USH2A: variants seen among roughly 807,000 people sequenced by gnomAD.
USH2A encodes the protein Usher syndrome 2A (autosomal recessive, mild).
In USH2A, 443 loss-of-function variants were observed where a neutral mutation model predicts 538.9. That is an observed-to-expected ratio of 0.82 (90% CI 0.76 to 0.89). The LOEUF (loss-of-function observed/expected upper bound fraction) is 0.89, where lower values mean the gene tolerates loss of function less well. Among genes scored for constraint, USH2A ranks in the 40% least tolerant of loss-of-function variants. USH2A has a pLI of 0.00. For missense variants in USH2A, 6,633 were observed against 6,324.8 expected, an observed-to-expected ratio of 1.05 and a Z score of -1.65; for synonymous variants, 2,413 against 2,273.5, an observed-to-expected ratio of 1.06 and a Z score of -1.75.
chr1:215,840,617 T>C (rs1037668466), intron 46 of USH2A, among the ~76,000 whole-genome samples: 1 of 152,188 alleles, frequency 6.6e-6, no homozygotes, highest in Admixed American at 6.5e-5. Flanking sequence ...AAATAAAGCC[T>C]TTTCCATAGA....
intron 12 of USH2A, among the ~76,000 whole-genome samples, 198 bp from the exon 13 acceptor site, chr1:216,247,424 C>T (rs934227983): frequency 3.3e-5 from 5 of 152,080 alleles, no homozygotes; most frequent in African/African-American, 9.7e-5. Flanking sequence ...CAACTGTTTG[C>T]GATGAACTTC....
chr1:215,715,988 T>G (rs1020906874), intron 61 of USH2A, among the ~76,000 whole-genome samples: 1 of 152,228 alleles, frequency 6.6e-6, no homozygotes, highest in Non-Finnish European at 1.5e-5. Context: ...TAAAATGCGG[T>G]TTAGCAGAAA....
intron 60 of USH2A, among the ~76,000 whole-genome samples, chr1:215,732,225 T>A (rs1660014896): frequency 6.6e-6 from 1 of 152,150 alleles, no homozygotes. Flanking sequence ...GGTTGAATCG[T>A]CAAGTTTTTG....
At chr1:216,339,098 A>G (rs2038027503) in intron 4 of USH2A, among the ~76,000 whole-genome samples, 1 of 151,676 alleles carries the variant, frequency 6.6e-6, no homozygotes, top group Non-Finnish European at 1.5e-5. Flanking sequence ...AATTATATAA[A>G]GAGAAAAGCT....
At chr1:215,740,036 C>A (rs565789324) in intron 60 of USH2A, among the ~76,000 whole-genome samples, 9 of 152,284 alleles carry the variant, frequency 5.9e-5, no homozygotes, top group Non-Finnish European at 1.3e-4. Context: ...TTTCAATCTG[C>A]AAGTCCTGTA....
At position 215,755,988 on chromosome 1, in the gene USH2A, T is replaced by G. The variant is rs188168106; in HGVS notation, c.11389+2607A>C. On this transcript the variant is annotated intron_variant, in intron 58 of 71. Coordinates refer to ENST00000307340, the MANE Select transcript of USH2A (RefSeq NM_206933.4). ...GTAGGTGGTTTTATTATTTTGAAAA[T>G]TGGGGCTTTGAGACCCAGCAAATGT... is the stretch of plus-strand genomic sequence containing the variant. Among the ~76,000 whole-genome samples the G allele has an allele frequency of 1.0e-3, 159 of 152,296 alleles. 1 individual carries two copies. The highest frequency in any genetic ancestry group is 0.01 in the Middle Eastern group (3 of 294).
In USH2A at chr1:215,934,906, A is replaced by C. The variant is rs1243004556; in HGVS notation, c.7121-111T>G. On this transcript the variant is annotated intron_variant, in intron 37 of 71. Transcript: ENST00000307340. ...ATATACTGTACCAAATAGGTCTGTA[A>C]CTTTACCACTCTAAGAGGCATTACA... 5 of 997,546 alleles carry C rather than the reference A, an allele frequency of 5.0e-6. No homozygotes were observed. In the African/African-American group the frequency reaches 8.2e-5, roughly 16 times the overall value. 61.8% of individuals were successfully genotyped at this position (997,546 alleles called of 1,614,324 possible).
intron 21 of USH2A, among the ~76,000 whole-genome samples, chr1:216,158,609 T>G (rs1002750254): frequency 6.6e-6 from 1 of 152,220 alleles, no homozygotes; most frequent in Non-Finnish European, 1.5e-5. Flanking sequence ...GCCTATACTA[T>G]ACATGCTTAC....
intron 36 of USH2A, among the ~76,000 whole-genome samples, chr1:215,966,311 T>C (rs1405248351): frequency 6.6e-6 from 1 of 152,208 alleles, no homozygotes; most frequent in Non-Finnish European, 1.5e-5. Flanking sequence ...TTTTAATATC[T>C]TTTAATCATT....
At chr1:215,635,439 A>G (rs1054252199) in intron 69 of USH2A, among the ~76,000 whole-genome samples, 3 of 152,160 alleles carry the variant, frequency 2.0e-5, no homozygotes, top group African/African-American at 7.2e-5. Flanking sequence ...TGAAGTTAGT[A>G]TTAATAAAAG....
At chr1:216,096,459 G>A (rs1280410276) in intron 22 of USH2A, among the ~76,000 whole-genome samples, 1 of 152,096 alleles carries the variant, frequency 6.6e-6, no homozygotes, top group Non-Finnish European at 1.5e-5. Context: ...TTTCTTCATT[G>A]ATTTGTATCT....
chr1:216,237,813 T>C (rs932302556), intron 13 of USH2A, among the ~76,000 whole-genome samples: 5 of 152,182 alleles, frequency 3.3e-5, no homozygotes, highest in Non-Finnish European at 5.9e-5. Context: ...ATCAGTGTCT[T>C]TTACTTTTTT....
intron 61 of USH2A, among the ~76,000 whole-genome samples, chr1:215,699,258 C>T (rs1034176059): frequency 1.3e-5 from 2 of 152,128 alleles, no homozygotes; most frequent in African/African-American, 2.4e-5. Context: ...AGCATGATGC[C>T]TCCAGCTTTG....
chr1:215,941,897 A>G (rs1228083850), intron 37 of USH2A, among the ~76,000 whole-genome samples: 1 of 152,276 alleles, frequency 6.6e-6, no homozygotes, highest in Non-Finnish European at 1.5e-5. Flanking sequence ...CTACAGTCAC[A>G]CAGTAAGGTG....
chr1:215,764,336 C>G (rs1661067123), intron 56 of USH2A, among the ~76,000 whole-genome samples: 1 of 152,030 alleles, frequency 6.6e-6, no homozygotes. Context: ...TTTCTGTTTC[C>G]ACATTATCAA....
chr1:215,843,412 A>G (rs1663745722), intron 46 of USH2A, among the ~76,000 whole-genome samples: 1 of 152,176 alleles, frequency 6.6e-6, no homozygotes, highest in Admixed American at 6.5e-5. Flanking sequence ...TACTCCAACA[A>G]GATTTCCAAT....
chr1:216,251,642 G>A (rs2036165714), intron 11 of USH2A, among the ~76,000 whole-genome samples: 1 of 151,786 alleles, frequency 6.6e-6, no homozygotes, highest in African/African-American at 2.4e-5. Context: ...GCAGAGGCGA[G>A]GTTTCACCAT....
chr1:216,034,854 C>T (rs1669210846), intron 32 of USH2A, among the ~76,000 whole-genome samples: 1 of 152,164 alleles, frequency 6.6e-6, no homozygotes, highest in Non-Finnish European at 1.5e-5. Context: ...CAAGAGAATA[C>T]ATTTCTATTG....
In USH2A at chr1:216,200,097, T is replaced by C. The variant is rs199908683; in HGVS notation, c.3341A>G (p.Asp1114Gly). The change falls in exon 17 of 72, where the codon GAC becomes GGC. Residue 1114 changes from aspartate (D) to glycine (G), a missense_variant. Asp to Gly is a moderately conservative substitution (Grantham distance 94). Coordinates refer to ENST00000307340, the MANE Select transcript of USH2A (RefSeq NM_206933.4). ...GGAATATTTGGTATATGGTAACAGG[T>C]CTGTGTCTAAGAAGTATTGAATACC... ...PYSIQYFLDT[D>G]LLPYTKYSYY... The C allele has an allele frequency of 6.2e-6, 10 of 1,613,140 alleles. No homozygotes were observed. The highest frequency in any genetic ancestry group is 1.3e-5 in the African/African-American group (1 of 74,836).
Sources: gnomAD v4.1 joint callset for allele counts (sites outside exome capture counted in the v4.1 genomes callset) on GRCh38, gnomAD v4.1.1 for gene constraint, MANE v1.5 for transcripts, NCBI Gene and HGNC (gene_info 2026-07-23, HGNC 2026-07-21) for gene names.